The following IL1RAP variants were observed in gnomAD, a reference collection of about 807,000 sequenced individuals.
IL1RAP encodes the protein interleukin 1 receptor accessory protein.
IL1RAP carries 35 observed loss-of-function variants against 60.7 expected under a neutral mutation model. That is an observed-to-expected ratio of 0.58 (90% confidence interval 0.44 to 0.76). IL1RAP has a LOEUF of 0.76. Among genes scored for constraint, IL1RAP ranks in the 30% least tolerant of loss-of-function variants. The probability of loss-of-function intolerance (pLI) is 0.00; values close to 1 mark genes in which losing one functional copy is unlikely to be tolerated. For missense variants in IL1RAP, 572 were observed against 693.9 expected, an observed-to-expected ratio of 0.82 and a Z score of 1.97; for synonymous variants, 268 against 250.9, an observed-to-expected ratio of 1.07 and a Z score of -0.64.
intron 9 of IL1RAP, among the ~76,000 whole-genome samples, chr3:190,631,269 T>C (rs139623986): frequency 6.6e-6 from 1 of 152,278 alleles, no homozygotes; most frequent in African/African-American, 2.4e-5. Context: ...TAATAACTTA[T>C]TGTCAAATGA....
intron 1 of IL1RAP, among the ~76,000 whole-genome samples, chr3:190,541,297 G>T (rs895565312): frequency 2.0e-5 from 3 of 152,032 alleles, no homozygotes; most frequent in Non-Finnish European, 4.4e-5. Flanking sequence ...CCTTCAAAAG[G>T]ATTTATATAC....
chr3:190,647,965 C>A (rs1734154162), intron 11 of IL1RAP, among the ~76,000 whole-genome samples: 1 of 152,130 alleles, frequency 6.6e-6, no homozygotes, highest in Non-Finnish European at 1.5e-5. Context: ...GGCTCATGAG[C>A]TGACGTGGCT....
At chr3:190,569,740 T>G (rs1299686141) in intron 3 of IL1RAP, among the ~76,000 whole-genome samples, 1 of 152,246 alleles carries the variant, frequency 6.6e-6, no homozygotes, top group African/African-American at 2.4e-5. Context: ...CACAGCTTCT[T>G]GTATCACAGT....
chr3:190,589,728 C>T (rs1047938020), intron 3 of IL1RAP, among the ~76,000 whole-genome samples: 1 of 152,070 alleles, frequency 6.6e-6, no homozygotes, highest in Non-Finnish European at 1.5e-5. Flanking sequence ...TTGAAGGCCC[C>T]GATGTACTTT....
At chr3:190,580,675 G>A (rs754554138) in intron 3 of IL1RAP, among the ~76,000 whole-genome samples, 3 of 152,068 alleles carry the variant, frequency 2.0e-5, no homozygotes, top group Non-Finnish European at 2.9e-5. Flanking sequence ...TTAATCAAAG[G>A]GTGCAAAGTT....
rs1048504325 is a variant in IL1RAP at position 190,650,909 on chromosome 3, T to C, written c.*2204T>C. The C allele has an allele frequency of 1.0e-6, 1 of 985,406 alleles. No homozygotes were observed. Among genetic ancestry groups the C allele is most frequent in the South Asian group, 4.7e-5 (1 of 21,290 alleles). The allele number at this position is 985,406 out of a possible 1,614,324, so 61.0% of individuals were successfully genotyped here. On this transcript the variant is annotated 3_prime_UTR_variant, in exon 12 of 12. Transcript: ENST00000447382. ...CAATGCTGCATTCCTTTTGCACTTT[T>C]GGATTCCATATTTATCCCAAATGCT...
intron 3 of IL1RAP, among the ~76,000 whole-genome samples, chr3:190,573,142 C>T (rs1389428773): frequency 9.5e-5 from 5 of 52,472 alleles, no homozygotes; most frequent in Non-Finnish European, 2.3e-4. Flanking sequence ...GGATTACAGG[C>T]GTGAGAATGC....
chr3:190,655,557 CCGTG>C (rs904707755), downstream of IL1RAP, among the ~76,000 whole-genome samples: 2 of 102,532 alleles, frequency 2.0e-5, no homozygotes, highest in African/African-American at 7.6e-5. Flanking sequence ...CAATTGCCCA[CCGTG>C]TGTGTGTGTG....
In IL1RAP at chr3:190,650,763, A is replaced by G. The variant is rs1422743623; in HGVS notation, c.*2058A>G. On this transcript the variant is annotated 3_prime_UTR_variant, in exon 12 of 12. Coordinates refer to ENST00000447382, the MANE Select transcript of IL1RAP (RefSeq NM_002182.4). ...ATTAGAAACCACAATTACTCCCTCT[A>G]TTAACCCTTCACTTACTAGACCAGA... The G allele has an allele frequency of 1.0e-6, 1 of 983,608 alleles. No individual in the cohort carries two copies. Among genetic ancestry groups the G allele is most frequent in the African/African-American group, 1.7e-5 (1 of 57,166 alleles). The allele number at this position is 983,608 out of a possible 1,614,324, so 60.9% of individuals were successfully genotyped here. A position where few individuals can be genotyped will look rare whatever the true frequency, so the allele number is the denominator to read the frequency against.
intron 1 of IL1RAP, among the ~76,000 whole-genome samples, chr3:190,531,320 T>C (rs1722969150): frequency 6.6e-6 from 1 of 152,198 alleles, no homozygotes; most frequent in South Asian, 2.1e-4. Flanking sequence ...AAAGATCTCT[T>C]TCCACCCAAA....
rs1246711970 is a variant in IL1RAP, at chr3:190,514,123, G to C, written c.-185G>C. ...AGACTGCCGGGATCCAGGTCTCCGG[G>C]GTCCGCTTTGGCCAGAGGCGCGGAA... On this transcript the variant is annotated 5_prime_UTR_variant, in exon 1 of 12. Coordinates refer to ENST00000447382, the MANE Select transcript of IL1RAP (RefSeq NM_002182.4). 2 of 152,306 alleles carry C rather than the reference G, an allele frequency of 1.3e-5. No homozygotes were observed. The highest frequency in any genetic ancestry group is 1.3e-4 in the Admixed American group (2 of 15,292). 9.4% of individuals were successfully genotyped at this position (152,306 alleles called of 1,614,324 possible). A position where few individuals can be genotyped will look rare whatever the true frequency, so the allele number is the denominator to read the frequency against.
intron 3 of IL1RAP, among the ~76,000 whole-genome samples, chr3:190,596,038 T>A (rs888203985): frequency 1.3e-5 from 2 of 152,202 alleles, no homozygotes; most frequent in African/African-American, 2.4e-5. Context: ...GAGACTAGTT[T>A]AAGAGAAGCA....
intron 1 of IL1RAP, among the ~76,000 whole-genome samples, chr3:190,551,478 T>A (rs1210885969): frequency 6.6e-6 from 1 of 152,220 alleles, no homozygotes; most frequent in Non-Finnish European, 1.5e-5. Flanking sequence ...ACTTACTCAA[T>A]TATTAAAGGC....
chr3:190,629,526 C>G, intron 9 of IL1RAP, 28 bp downstream of exon 9: 2 of 1,585,288 alleles, frequency 1.3e-6, no homozygotes, highest in Non-Finnish European at 8.6e-7. Flanking sequence ...TGATGAATCT[C>G]TCAGCTCCAA....
chr3:190,553,671 T>C (rs1560163461), intron 1 of IL1RAP, among the ~76,000 whole-genome samples: 1 of 152,106 alleles, frequency 6.6e-6, no homozygotes. Flanking sequence ...AAAGGCTGGG[T>C]TGGACTGAGG....
At chr3:190,568,251 AG>A (rs1305594335) in intron 3 of IL1RAP, among the ~76,000 whole-genome samples, 1 of 152,120 alleles carries the variant, frequency 6.6e-6, no homozygotes, top group Non-Finnish European at 1.5e-5. Flanking sequence ...ACCATTGTAC[AG>A]GGGTAGGGGC....
At chr3:190,582,013 G>A (rs1728038497) in intron 3 of IL1RAP, among the ~76,000 whole-genome samples, 1 of 152,178 alleles carries the variant, frequency 6.6e-6, no homozygotes, top group Non-Finnish European at 1.5e-5. Flanking sequence ...ATAACATAAG[G>A]AGGATAAAAG....
In IL1RAP at chr3:190,650,273, T is replaced by G. The variant is rs1577833503; in HGVS notation, c.*1568T>G. ...GTCATAGTTCTTGCCTTCCCTAAGT[T>G]TATATAAATAACTTAAGTATTGCTA... On this transcript the variant is annotated 3_prime_UTR_variant, in exon 12 of 12. Coordinates refer to ENST00000447382, the MANE Select transcript of IL1RAP (RefSeq NM_002182.4). The G allele has an allele frequency of 1.0e-6, 1 of 985,348 alleles. No homozygotes were observed. Among genetic ancestry groups the G allele is most frequent in the Non-Finnish European group, 1.2e-6 (1 of 829,846 alleles). 61.0% of individuals were successfully genotyped at this position (985,348 alleles called of 1,614,324 possible). A position where few individuals can be genotyped will look rare whatever the true frequency, so the allele number is the denominator to read the frequency against.
At chr3:190,554,186 A>G (rs927598848) in intron 1 of IL1RAP, among the ~76,000 whole-genome samples, 3 of 151,876 alleles carry the variant, frequency 2.0e-5, no homozygotes, top group African/African-American at 4.8e-5. Flanking sequence ...CTTTCTCCTT[A>G]GGATTCTTGT....
Sources: allele counts gnomAD v4.1 joint callset (sites outside exome capture counted in the v4.1 genomes callset), GRCh38; gene constraint gnomAD v4.1.1; transcripts MANE v1.5; gene names NCBI Gene and HGNC (gene_info 2026-07-23, HGNC 2026-07-21).